Variants in SLC39A10 observed in about 807,000 individuals in gnomAD.
The protein encoded by SLC39A10 is solute carrier family 39 member 10.
SLC39A10 carries 13 observed loss-of-function variants against 65.1 expected under a neutral mutation model. That is an observed-to-expected ratio of 0.20 (90% confidence interval 0.13 to 0.32). The LOEUF is 0.32. SLC39A10 is among the 10% of genes least tolerant of loss of function. The pLI is 1.00. For synonymous variants in SLC39A10, 321 were observed against 342.2 expected (o/e 0.94, Z 0.68); for missense variants, 831 against 1,018.4 (o/e 0.82, Z 2.50).
At chr2:195,631,563 C>T (rs935473685) in intron 2 of SLC39A10, among the ~76,000 whole-genome samples, 3 of 151,958 alleles carry the variant, frequency 2.0e-5, no homozygotes, top group East Asian at 1.9e-4. Context: ...GAATATTGAC[C>T]AGTATATAAC....
intron 3 of SLC39A10, among the ~76,000 whole-genome samples, chr2:195,702,260 A>G (rs961845227): frequency 6.6e-6 from 1 of 152,184 alleles, no homozygotes; most frequent in African/African-American, 2.4e-5. Context: ...ATCAGAGTAC[A>G]GATCCTCAAT....
chr2:195,697,239 A>G (rs1470587150), intron 3 of SLC39A10, among the ~76,000 whole-genome samples: 1 of 152,190 alleles, frequency 6.6e-6, no homozygotes, highest in Non-Finnish European at 1.5e-5. Context: ...ATTAAATGCA[A>G]TTATTATGCT....
chr2:195,665,071 C>G (rs1023950802), intron 1 of SLC39A10, among the ~76,000 whole-genome samples: 1 of 152,088 alleles, frequency 6.6e-6, no homozygotes, highest in African/African-American at 2.4e-5. Flanking sequence ...CGCCTGTAAT[C>G]CCAGCGCTTT....
At chr2:195,727,070 T>C (rs1692268421) in intron 8 of SLC39A10, among the ~76,000 whole-genome samples, 1 of 152,186 alleles carries the variant, frequency 6.6e-6, no homozygotes, top group African/African-American at 2.4e-5. Context: ...GACACTTCTC[T>C]GAGCAATATT....
chr2:195,649,904 T>C (rs2105712391), intron 2 of SLC39A10, among the ~76,000 whole-genome samples: 1 of 152,340 alleles, frequency 6.6e-6, no homozygotes, highest in South Asian at 2.1e-4. Context: ...CAGTTTTTCT[T>C]CTTTCCCTTT....
chr2:195,674,815 C>A (rs889468140), intron 1 of SLC39A10, among the ~76,000 whole-genome samples: 15 of 138,582 alleles, frequency 1.1e-4, no homozygotes, highest in Non-Finnish European at 2.4e-4. Context: ...AGGCTACAAA[C>A]CTGTTGATAT....
At chr2:195,626,242 T>C (rs188149885) in intron 2 of SLC39A10, among the ~76,000 whole-genome samples, 1 of 152,340 alleles carries the variant, frequency 6.6e-6, no homozygotes, top group African/African-American at 2.4e-5. Context: ...CCTTGCACTC[T>C]TAGTCTTGAG....
Position 195,680,844 on chromosome 2 carries a change from A to G in SLC39A10, c.802A>G (p.Lys268Glu), listed in dbSNP as rs1199858140. The G allele has an allele frequency of 1.2e-6, 2 of 1,614,186 alleles. No individual in the cohort carries two copies. ...ACAGTATGAGCATAATCGGGTCCAC[A>G]AACCTGATCGTGTACATAACCCAGG... ...GEQYEHNRVH[K>E]PDRVHNPGHS... Residue 268 changes from lysine (K) to glutamate (E), a missense_variant, in exon 2 of 10, where the codon AAA becomes GAA. Coordinates refer to ENST00000359634, the MANE Select transcript of SLC39A10 (RefSeq NM_020342.3).
intron 8 of SLC39A10, among the ~76,000 whole-genome samples, chr2:195,719,171 T>C (rs1365397349): frequency 6.6e-6 from 1 of 152,064 alleles, no homozygotes; most frequent in East Asian, 1.9e-4. Context: ...CATTTGCCCT[T>C]AGAAATGAGC....
intron 3 of SLC39A10, among the ~76,000 whole-genome samples, chr2:195,685,797 G>T (rs1011036952): frequency 6.6e-6 from 1 of 152,102 alleles, no homozygotes; most frequent in Non-Finnish European, 1.5e-5. Context: ...GACTTTAGTT[G>T]CTTTAATACA....
Position 195,728,106 on chromosome 2 carries a change from T to TA in SLC39A10, c.2147-53_2147-52insA. The TA allele has an allele frequency of 6.7e-7, 1 of 1,495,422 alleles. No homozygotes were observed. The highest frequency in any genetic ancestry group is 9.2e-7 in the Non-Finnish European group (1 of 1,092,696). 92.6% of individuals were successfully genotyped at this position (1,495,422 alleles called of 1,614,324 possible). A position where few individuals can be genotyped will look rare whatever the true frequency, so the allele number is the denominator to read the frequency against. On this transcript the variant is annotated intron_variant, in intron 8 of 9. Coordinates refer to ENST00000359634, the MANE Select transcript of SLC39A10 (RefSeq NM_020342.3). This position sits in a 1 kb window ranked among gnomAD's most constrained non-coding sequence, Gnocchi z 4.4. ...TTTTATTTGTTTTCTCCTTTCAGAT[T>TA]TGTGTTTTAAATCCTGTGGTTTTAA...
chr2:195,614,597 T>C (rs1166286485), intron 2 of SLC39A10, among the ~76,000 whole-genome samples: 1 of 152,150 alleles, frequency 6.6e-6, no homozygotes, highest in Non-Finnish European at 1.5e-5. Flanking sequence ...GTATTAATGT[T>C]AATATCAAAA....
At chr2:195,626,727 G>A (rs1164950361) in intron 2 of SLC39A10, among the ~76,000 whole-genome samples, 1 of 152,172 alleles carries the variant, frequency 6.6e-6, no homozygotes, top group Non-Finnish European at 1.5e-5. Flanking sequence ...GCTATAGTTA[G>A]AGTCAGCTGG....
At chr2:195,671,602 G>T (rs1689860876) in intron 1 of SLC39A10, 1 of 152,226 alleles carries the variant, frequency 6.6e-6, no homozygotes, top group African/African-American at 2.4e-5. Context: ...TCAGTTTTTA[G>T]GGTTGAGTGG....
At chr2:195,672,827 T>C (rs760718778) in intron 1 of SLC39A10, among the ~76,000 whole-genome samples, 10 of 152,206 alleles carry the variant, frequency 6.6e-5, no homozygotes, top group Non-Finnish European at 1.0e-4. Flanking sequence ...GGTATTTACA[T>C]ATCAGCTGAA....
At chr2:195,713,656 A>T (rs1305200026) in intron 6 of SLC39A10, 103 bp downstream of exon 6, 2 of 1,281,272 alleles carry the variant, frequency 1.6e-6, no homozygotes, top group Non-Finnish European at 2.1e-6. Flanking sequence ...AAATTAAATA[A>T]TACAGTAAAC....
chr2:195,712,569 C>T (rs1302637866), intron 5 of SLC39A10, among the ~76,000 whole-genome samples: 1 of 152,056 alleles, frequency 6.6e-6, no homozygotes, highest in East Asian at 1.9e-4. Context: ...CCAGAGAAAA[C>T]TTTTTTTTCA....
chr2:195,677,165 A>G (rs954585105), intron 1 of SLC39A10, among the ~76,000 whole-genome samples: 3 of 152,246 alleles, frequency 2.0e-5, no homozygotes, highest in African/African-American at 4.8e-5. Flanking sequence ...ACATATTTAC[A>G]TAACTACTAC....
intron 2 of SLC39A10, among the ~76,000 whole-genome samples, chr2:195,624,479 A>G (rs535735795): frequency 5.3e-5 from 8 of 152,126 alleles, no homozygotes; most frequent in African/African-American, 1.9e-4. Context: ...AAAAGAAGAA[A>G]AAAAGTAATA....
Sources: allele counts gnomAD v4.1 joint callset (sites outside exome capture counted in the v4.1 genomes callset), GRCh38; gene constraint gnomAD v4.1.1; non-coding constraint Gnocchi (gnomAD v3.1); transcripts MANE v1.5; gene names NCBI Gene and HGNC (gene_info 2026-07-23, HGNC 2026-07-21).